Variants in DCDC1 observed in about 807,000 individuals in gnomAD.
DCDC1 encodes the protein doublecortin domain containing 1.
Under a neutral mutation model 178.3 loss-of-function variants are expected in DCDC1, and 200 were observed. The observed-to-expected ratio is 1.12, with a 90% confidence interval of 1.00 to 1.26. The LOEUF (loss-of-function observed/expected upper bound fraction) is 1.26. Among genes scored for constraint, DCDC1 ranks in the 50% most tolerant of loss-of-function variants. DCDC1 has a pLI of 0.00. For synonymous variants in DCDC1, 690 were observed against 604.8 expected (o/e 1.14, Z -2.07); for missense variants, 1,983 against 1,749.2 (o/e 1.13, Z -2.38).
intron 9 of DCDC1, among the ~76,000 whole-genome samples, chr11:31,161,222 G>C (rs1327039379): frequency 6.6e-6 from 1 of 152,072 alleles, no homozygotes. Context: ...GGCCCTACAG[G>C]TTATTAGCAC....
intron 17 of DCDC1, among the ~76,000 whole-genome samples, chr11:31,083,037 G>A (rs1473785092): frequency 6.6e-6 from 1 of 152,144 alleles, no homozygotes; most frequent in African/African-American, 2.4e-5. Context: ...ACTTCTGTCT[G>A]CTGCTATTCC....
At chr11:31,260,892 T>C (rs544933024) in intron 8 of DCDC1, among the ~76,000 whole-genome samples, 2 of 152,204 alleles carry the variant, frequency 1.3e-5, no homozygotes, top group African/African-American at 2.4e-5. Flanking sequence ...ATAGCTGATA[T>C]ATAATTAGTA....
intron 38 of DCDC1, among the ~76,000 whole-genome samples, chr11:30,873,397 T>C (rs1325592417): frequency 3.4e-5 from 5 of 146,622 alleles, no homozygotes; most frequent in Non-Finnish European, 7.4e-5. Flanking sequence ...AACAAACTGG[T>C]ATATACATGA....
chr11:31,232,113 T>C (rs943508928), intron 9 of DCDC1, among the ~76,000 whole-genome samples: 3 of 152,182 alleles, frequency 2.0e-5, no homozygotes, highest in African/African-American at 4.8e-5. Flanking sequence ...AAGTTACACA[T>C]ACAATCAAGA....
intron 1 of DCDC1, among the ~76,000 whole-genome samples, chr11:31,348,150 T>C (rs1157429122): frequency 1.3e-5 from 2 of 152,252 alleles, no homozygotes; most frequent in Non-Finnish European, 2.9e-5. Context: ...GAGTTTCACC[T>C]GTATCTCATA....
At chr11:31,253,935 A>G (rs1284023322) in intron 8 of DCDC1, among the ~76,000 whole-genome samples, 8 of 152,222 alleles carry the variant, frequency 5.3e-5, no homozygotes, top group Admixed American at 3.9e-4. Flanking sequence ...GAAGGGCCAG[A>G]CATCCTCACA....
intron 11 of DCDC1, among the ~76,000 whole-genome samples, chr11:31,121,079 A>C (rs1358424809): frequency 6.6e-6 from 1 of 152,092 alleles, no homozygotes; most frequent in East Asian, 1.9e-4. Flanking sequence ...GCTCCAAAAC[A>C]CTTGTTGCCT....
chr11:31,335,110 G>T (rs1408026911), intron 2 of DCDC1, among the ~76,000 whole-genome samples: 1 of 152,140 alleles, frequency 6.6e-6, no homozygotes, highest in African/African-American at 2.4e-5. Flanking sequence ...CAGCAATGGT[G>T]GATACCCCTC....
chr11:31,289,341 G>A (rs187571342), intron 7 of DCDC1, among the ~76,000 whole-genome samples: 5 of 152,086 alleles, frequency 3.3e-5, no homozygotes, highest in Admixed American at 6.6e-5. Flanking sequence ...AAAATGGCCA[G>A]GGAAGATGTT....
intron 38 of DCDC1, among the ~76,000 whole-genome samples, chr11:30,871,155 A>C (rs1235124303): frequency 6.6e-6 from 1 of 152,222 alleles, no homozygotes; most frequent in Non-Finnish European, 1.5e-5. Context: ...TATAAAGAGA[A>C]GGCAGGAAAA....
chr11:31,299,129 A>C (rs1947913842), intron 6 of DCDC1, among the ~76,000 whole-genome samples: 1 of 152,232 alleles, frequency 6.6e-6, no homozygotes, highest in Admixed American at 6.5e-5. Context: ...ACATTCCTGC[A>C]TTCAACTGAG....
intron 20 of DCDC1, among the ~76,000 whole-genome samples, chr11:30,953,835 C>T (rs1948581984): frequency 6.6e-6 from 1 of 151,860 alleles, no homozygotes; most frequent in South Asian, 2.1e-4. Flanking sequence ...AAACAACCCC[C>T]AAAATATGTC....
intron 20 of DCDC1, among the ~76,000 whole-genome samples, chr11:30,991,873 A>G (rs1486518628): frequency 1.3e-5 from 2 of 152,216 alleles, no homozygotes; most frequent in Admixed American, 6.5e-5. Flanking sequence ...TTTTGGGAAA[A>G]GAATTTAAAT....
chr11:31,079,608 G>A (rs1957062625), intron 17 of DCDC1, among the ~76,000 whole-genome samples: 1 of 152,058 alleles, frequency 6.6e-6, no homozygotes, highest in Non-Finnish European at 1.5e-5. Context: ...GGGATCTAAT[G>A]CTAACTCCTG....
intron 21 of DCDC1, among the ~76,000 whole-genome samples, chr11:30,951,492 A>C (rs1420950214): frequency 1.3e-5 from 2 of 152,158 alleles, no homozygotes; most frequent in Non-Finnish European, 2.9e-5. Flanking sequence ...GAACATACGA[A>C]GAAATTATAA....
chr11:31,261,432 C>T (rs935330953), intron 8 of DCDC1, among the ~76,000 whole-genome samples: 1 of 152,088 alleles, frequency 6.6e-6, no homozygotes. Context: ...GGCCTTCCAT[C>T]TTATTGGGTT....
intron 20 of DCDC1, among the ~76,000 whole-genome samples, chr11:31,062,428 A>C (rs1378694064): frequency 1.3e-5 from 2 of 152,114 alleles, no homozygotes; most frequent in Non-Finnish European, 2.9e-5. Flanking sequence ...AGAATAGTGG[A>C]GAGGGGCTTG....
intron 6 of DCDC1, among the ~76,000 whole-genome samples, chr11:31,295,715 T>G (rs541566697): frequency 2.0e-4 from 30 of 152,216 alleles, no homozygotes; most frequent in Admixed American, 1.4e-3. Flanking sequence ...TCTCACTCCC[T>G]TACATGGTTC....
At chr11:30,990,973 TCATA>T (rs1950945256) in intron 20 of DCDC1, among the ~76,000 whole-genome samples, 1 of 152,194 alleles carries the variant, frequency 6.6e-6, no homozygotes, top group Non-Finnish European at 1.5e-5. Flanking sequence ...CTTCCTGGTA[TCATA>T]CAGTCACATT....
Sources: allele counts gnomAD v4.1 joint callset (sites outside exome capture counted in the v4.1 genomes callset), GRCh38; gene constraint gnomAD v4.1.1; transcripts MANE v1.5; gene names NCBI Gene and HGNC (gene_info 2026-07-23, HGNC 2026-07-21).